The following GALNT17 variants were observed in gnomAD, a reference collection of about 807,000 sequenced individuals.
The protein encoded by GALNT17 is UDP-GalNAc:polypeptide N-acetylgalactosaminyltransferase-like 3.
GALNT17 carries 29 observed loss-of-function variants against 63.7 expected under a neutral mutation model. The ratio of observed to expected loss-of-function variants is 0.46; its 90% confidence interval spans 0.34 to 0.62. The LOEUF is 0.62. GALNT17 is among the 20% of genes least tolerant of loss of function. GALNT17 has a pLI of 0.01. For missense variants in GALNT17, 603 were observed against 799.6 expected, an observed-to-expected ratio of 0.75 and a Z score of 2.97; for synonymous variants, 305 against 318.3, an observed-to-expected ratio of 0.96 and a Z score of 0.45.
At chr7:71,424,613 A>G (rs1786725271) in intron 5 of GALNT17, among the ~76,000 whole-genome samples, 1 of 152,276 alleles carries the variant, frequency 6.6e-6, no homozygotes, top group Admixed American at 6.5e-5. Context: ...TACAAAATAG[A>G]ATCAAATGCC....
chr7:71,308,553 C>T (rs1056363730), intron 1 of GALNT17, among the ~76,000 whole-genome samples: 1 of 152,038 alleles, frequency 6.6e-6, no homozygotes. Context: ...TTGTTAGGCT[C>T]CTCTGGAATT....
intron 2 of GALNT17, among the ~76,000 whole-genome samples, chr7:71,339,424 C>T (rs1024289269): frequency 5.3e-5 from 8 of 152,150 alleles, no homozygotes; most frequent in South Asian, 2.1e-4. Context: ...TGGTGGCTCA[C>T]GCCTGTAATC....
chr7:71,384,999 T>G (rs1046807690), intron 2 of GALNT17, among the ~76,000 whole-genome samples: 1 of 152,192 alleles, frequency 6.6e-6, no homozygotes, highest in Non-Finnish European at 1.5e-5. Context: ...AAGTGTTTAA[T>G]GTGCTTTAGC....
chr7:71,510,610 T>G (rs1453692230), intron 5 of GALNT17, among the ~76,000 whole-genome samples: 2 of 152,128 alleles, frequency 1.3e-5, no homozygotes, highest in Non-Finnish European at 2.9e-5. Flanking sequence ...CTTCAGCAGG[T>G]GTAGGGAGAC....
intron 6 of GALNT17, among the ~76,000 whole-genome samples, chr7:71,590,602 C>T (rs1789783221): frequency 6.6e-6 from 1 of 152,178 alleles, no homozygotes; most frequent in Non-Finnish European, 1.5e-5. Context: ...TGCTTGTTGT[C>T]ATTTTCTACT....
At chr7:71,272,655 G>A (rs1345382600) in intron 1 of GALNT17, among the ~76,000 whole-genome samples, 8 of 152,298 alleles carry the variant, frequency 5.3e-5, no homozygotes, top group African/African-American at 1.7e-4. Context: ...TCAGACAATC[G>A]ACAGCAGGAT....
chr7:71,204,360 G>A (rs764055759), intron 1 of GALNT17, among the ~76,000 whole-genome samples: 6 of 151,998 alleles, frequency 3.9e-5, no homozygotes, highest in African/African-American at 7.2e-5. Context: ...TTGTTTGCAC[G>A]AGATTGTTTG....
At chr7:71,183,558 G>A (rs1446409644) in intron 1 of GALNT17, among the ~76,000 whole-genome samples, 2 of 152,118 alleles carry the variant, frequency 1.3e-5, no homozygotes, top group African/African-American at 4.8e-5. Context: ...CAGACGCCTT[G>A]GAGAATTCCC....
At chr7:71,205,849 A>G (rs1789261925) in intron 1 of GALNT17, among the ~76,000 whole-genome samples, 1 of 152,052 alleles carries the variant, frequency 6.6e-6, no homozygotes, top group African/African-American at 2.4e-5. Context: ...TAATTCTCCT[A>G]AGCAGTTCCT....
At chr7:71,691,104 G>A (rs1791436828) in intron 9 of GALNT17, among the ~76,000 whole-genome samples, 1 of 152,122 alleles carries the variant, frequency 6.6e-6, no homozygotes, top group African/African-American at 2.4e-5. Context: ...TTCATGGAAG[G>A]GAGAGAGTCA....
Position 71,477,273 on chromosome 7 carries a change from A to G in GALNT17, c.962+56168A>G, listed in dbSNP as rs899554674. ...AGGCTTCCCTGCCCAGTGGAAGAGA[A>G]TAATGGGATTATGAGTGGGAACTCC... is the stretch of plus-strand genomic sequence containing the variant. On this transcript the variant is annotated intron_variant, in intron 5 of 10. Coordinates refer to ENST00000333538, the MANE Select transcript of GALNT17 (RefSeq NM_022479.3). Among the ~76,000 whole-genome samples the G allele has an allele frequency of 9.8e-5, 15 of 152,306 alleles. 1 individual carries two copies. The Middle Eastern group carries it at 0.01, about 104-fold the overall frequency.
At chr7:71,196,291 CCATG>C (rs1275656219) in intron 1 of GALNT17, among the ~76,000 whole-genome samples, 1 of 152,038 alleles carries the variant, frequency 6.6e-6, no homozygotes, top group Non-Finnish European at 1.5e-5. Context: ...GCACCTGCCA[CCATG>C]CCTGGGTAAT....
chr7:71,665,411 G>T lies in GALNT17; in HGVS notation c.1081G>T (p.Val361Leu). ...GGENIELGIK[V>L]WLCGGSMEVL... ...GCTGATGAAATCTTTGTACCCCTAG[G>T]TATGGCTCTGTGGGGGCAGCATGGA... Residue 361 changes from valine to leucine, a missense_variant and splice_region_variant, in exon 7 of 11, where the codon GTA (valine) becomes TTA (leucine). Coordinates refer to ENST00000333538, the MANE Select transcript of GALNT17 (RefSeq NM_022479.3). The T allele has an allele frequency of 6.2e-7, 1 of 1,608,148 alleles. No homozygotes were observed. Among genetic ancestry groups the T allele is most frequent in the Non-Finnish European group, 8.5e-7 (1 of 1,178,606 alleles).
At chr7:71,429,738 ACT>A (rs1030722219) in intron 5 of GALNT17, among the ~76,000 whole-genome samples, 7 of 151,886 alleles carry the variant, frequency 4.6e-5, no homozygotes, top group African/African-American at 1.5e-4. Context: ...AGACAGTCTC[ACT>A]CTGTCTCCCA....
chr7:71,265,763 A>G (rs1790482285), intron 1 of GALNT17, among the ~76,000 whole-genome samples: 1 of 152,174 alleles, frequency 6.6e-6, no homozygotes, highest in Non-Finnish European at 1.5e-5. Context: ...GGAGCTGAGA[A>G]GGAAGGGATA....
At chr7:71,276,395 G>C (rs1418599332) in intron 1 of GALNT17, among the ~76,000 whole-genome samples, 2 of 152,180 alleles carry the variant, frequency 1.3e-5, no homozygotes, top group African/African-American at 4.8e-5. Context: ...GCAAAGTCAA[G>C]GAATGATATG....
intron 1 of GALNT17, among the ~76,000 whole-genome samples, chr7:71,311,604 T>G (rs1052234237): frequency 1.3e-5 from 2 of 152,202 alleles, no homozygotes; most frequent in East Asian, 3.9e-4. Flanking sequence ...CATGCTTCTC[T>G]CTTCTCAATC....
chr7:71,589,891 G>A (rs571327661), intron 6 of GALNT17, among the ~76,000 whole-genome samples: 1 of 152,288 alleles, frequency 6.6e-6, no homozygotes, highest in South Asian at 2.1e-4. Context: ...GGATAACTGT[G>A]ACAATATTGC....
At chr7:71,192,534 T>A (rs1016080579) in intron 1 of GALNT17, among the ~76,000 whole-genome samples, 1 of 152,058 alleles carries the variant, frequency 6.6e-6, no homozygotes, top group African/African-American at 2.4e-5. Flanking sequence ...TAGCCGGGAT[T>A]ACAAGTATGT....
Sources: gnomAD v4.1 joint callset for allele counts (sites outside exome capture counted in the v4.1 genomes callset) on GRCh38, gnomAD v4.1.1 for gene constraint, MANE v1.5 for transcripts, NCBI Gene and HGNC (gene_info 2026-07-23, HGNC 2026-07-21) for gene names.